Variants in KMT5B observed in about 807,000 individuals in gnomAD.
The protein encoded by KMT5B is histone-lysine N-methyltransferase KMT5B.
Under a neutral mutation model 83.2 loss-of-function variants are expected in KMT5B, and 10 were observed. The ratio of observed to expected loss-of-function variants is 0.12; its 90% CI spans 0.07 to 0.20. The LOEUF (loss-of-function observed/expected upper bound fraction) is 0.20. KMT5B is among the 10% of genes least tolerant of loss of function. KMT5B has a pLI of 1.00. For missense variants in KMT5B, 753 were observed against 1,067.2 expected (o/e 0.71, Z 4.10); for synonymous variants, 349 against 388.8 (o/e 0.90, Z 1.20).
intron 3 of KMT5B, among the ~76,000 whole-genome samples, chr11:68,184,986 A>AGTT (rs2153067239): frequency 6.6e-6 from 1 of 152,344 alleles, no homozygotes; most frequent in Non-Finnish European, 1.5e-5. Flanking sequence ...GAATATAAAC[A>AGTT]TGTCTTTAAA....
rs78151591 is a variant in KMT5B at position 68,206,663 on chromosome 11, T to C, written c.-77+6475A>G. Among the ~76,000 whole-genome samples, 1,042 of 152,318 alleles carry C rather than the reference T, an allele frequency of 6.8e-3. 6 individuals carry two copies. The highest frequency in any genetic ancestry group is 0.011 in the Non-Finnish European group (739 of 68,018). On this transcript the variant is annotated intron_variant, in intron 1 of 10. Coordinates refer to ENST00000304363, the MANE Select transcript of KMT5B (RefSeq NM_017635.5). ...TAGGTTTGGCACAAGATATTTTAAATGAGCACAAACTGCTAACAAATTAAG... is the reference window on the plus strand; with the variant it reads ...TAGGTTTGGCACAAGATATTTTAAACGAGCACAAACTGCTAACAAATTAAG...
chr11:68,209,076 C>G (rs1860541335), intron 1 of KMT5B, among the ~76,000 whole-genome samples: 1 of 152,134 alleles, frequency 6.6e-6, no homozygotes, highest in African/African-American at 2.4e-5. Context: ...CTGCAGCTTC[C>G]TAAAATCAGA....
chr11:68,175,911 G>GT (rs1856319788), intron 4 of KMT5B, among the ~76,000 whole-genome samples: 2 of 144,258 alleles, frequency 1.4e-5, no homozygotes, highest in African/African-American at 2.6e-5. Context: ...ATGGGGTAGA[G>GT]TTGTTTTTTT....
intron 3 of KMT5B, among the ~76,000 whole-genome samples, chr11:68,182,840 G>A (rs571324493): frequency 9.2e-5 from 14 of 151,624 alleles, no homozygotes; most frequent in Non-Finnish European, 1.8e-4. Flanking sequence ...AGGTTCAAGC[G>A]ATTCTCCTGC....
intron 1 of KMT5B, among the ~76,000 whole-genome samples, chr11:68,191,546 C>T (rs1328744789): frequency 6.6e-6 from 1 of 152,052 alleles, no homozygotes; most frequent in Admixed American, 6.6e-5. Context: ...GTTGGCTAGG[C>T]TGGTCTCGAA....
At chr11:68,193,918 G>A (rs1858391476) in intron 1 of KMT5B, among the ~76,000 whole-genome samples, 1 of 151,154 alleles carries the variant, frequency 6.6e-6, no homozygotes, top group Non-Finnish European at 1.5e-5. Flanking sequence ...CTCCACCTCA[G>A]CCTCCCAAAG....
intron 10 of KMT5B, chr11:68,164,818 G>C (rs1855170087): frequency 2.2e-6 from 1 of 446,048 alleles, no homozygotes; most frequent in Admixed American, 2.4e-5. Context: ...TGTGCCTCCA[G>C]TTTGTTCTGC....
intron 2 of KMT5B, among the ~76,000 whole-genome samples, chr11:68,186,956 CA>C (rs1454302125): frequency 6.6e-6 from 1 of 151,810 alleles, no homozygotes; most frequent in African/African-American, 2.4e-5. Context: ...TTGGTAACAG[CA>C]TAATAGCTTT....
chr11:68,199,090 TG>T (rs1009511418), intron 1 of KMT5B, among the ~76,000 whole-genome samples: 2 of 152,148 alleles, frequency 1.3e-5, no homozygotes, highest in Admixed American at 6.5e-5. Flanking sequence ...GTAATTGCGT[TG>T]TTTTTTTTTT....
intron 1 of KMT5B, among the ~76,000 whole-genome samples, chr11:68,196,699 CT>C (rs762041161): frequency 1.5e-4 from 23 of 152,058 alleles, no homozygotes; most frequent in East Asian, 9.7e-4. Flanking sequence ...CCACCACTAA[CT>C]TCCCTACTGC....
At position 68,171,047 on chromosome 11, in the gene KMT5B, A is replaced by G; in HGVS notation, c.945T>C (p.Asn315=). ...CYYGDGFFGE[N]NEFCECYTCE... Reference sequence around the variant, plus strand: ...AAGTGTAACACTCGCAGAACTCATTATTTTCTCCAAAGAACCCATCTCCAT... The same window carrying G: ...AAGTGTAACACTCGCAGAACTCATTGTTTTCTCCAAAGAACCCATCTCCAT... Residue 315 remains asparagine, a synonymous_variant, in exon 9 of 11, where the codon AAT becomes AAC. Transcript: ENST00000304363. This position sits in a 1 kb window ranked among gnomAD's most constrained non-coding sequence, Gnocchi z 5.1. The G allele has an allele frequency of 1.3e-6, 2 of 1,598,932 alleles. No individual in the cohort carries two copies. Among genetic ancestry groups the G allele is most frequent in the Admixed American group, 3.7e-5 (2 of 54,348 alleles).
Position 68,171,328 on chromosome 11 carries a change from T to G in KMT5B, c.821-77A>C, listed in dbSNP as rs758365834. On this transcript the variant is annotated intron_variant, in intron 7 of 10. Transcript: ENST00000304363. This position sits in a 1 kb window ranked among gnomAD's most constrained non-coding sequence, Gnocchi z 5.1. ...CACGAACAATTATAGAAATCTGAAA[T>G]AAGCTTTCCATATAACTTTACAACT... is the stretch of plus-strand genomic sequence containing the variant. 10 of 1,543,408 alleles carry G rather than the reference T, an allele frequency of 6.5e-6. No homozygotes were observed. In the South Asian group the frequency reaches 1.1e-4, roughly 16 times the overall value.
Position 68,158,192 on chromosome 11 carries a change from C to T in KMT5B, c.2154G>A (p.Leu718=), listed in dbSNP as rs1437161999. The part of the protein sequence containing the change: ...ILENNSGIPK[L]TLRRRHDSSS... ...TGCTATCATGACGCCTACGAAGAGT[C>T]AATTTGGGAATCCCAGAGTTATTTT... The change falls in exon 11 of 11, where the codon TTG becomes TTA. Residue 718 remains leucine, a synonymous_variant. Transcript: ENST00000304363. 6.2e-7 allele frequency: 1 copy of T among 1,614,014 alleles called. No homozygotes were observed. Among genetic ancestry groups the T allele is most frequent in the Non-Finnish European group, 8.5e-7 (1 of 1,180,046 alleles).
chr11:68,164,745 T>G (rs774307750), intron 10 of KMT5B: 6 of 485,136 alleles, frequency 1.2e-5, no homozygotes, highest in Non-Finnish European at 2.5e-5. Flanking sequence ...ATGTACACCT[T>G]TCTTCTGTAA....
chr11:68,212,409 C>T (rs1017967761), intron 1 of KMT5B, among the ~76,000 whole-genome samples: 2 of 152,198 alleles, frequency 1.3e-5, no homozygotes, highest in African/African-American at 4.8e-5. Context: ...AAAGTTCCAC[C>T]ACTTAATAAA....
intron 6 of KMT5B, among the ~76,000 whole-genome samples, chr11:68,173,203 G>A (rs1856014803): frequency 6.6e-6 from 1 of 152,054 alleles, no homozygotes; most frequent in South Asian, 2.1e-4. Flanking sequence ...ACCACGCCCA[G>A]CTAATTTTTG....
At position 68,183,381 on chromosome 11, in the gene KMT5B, G is replaced by A. The variant is rs73509368; in HGVS notation, c.308+2400C>T. ...GCAAATTAGTTTTTTGTTTTTAGCCGGAGTCACGCTCTGTTGCCCAGGCTG... is the reference window on the plus strand; with the variant it reads ...GCAAATTAGTTTTTTGTTTTTAGCCAGAGTCACGCTCTGTTGCCCAGGCTG... On this transcript the variant is annotated intron_variant, in intron 3 of 10. Coordinates refer to ENST00000304363, the MANE Select transcript of KMT5B (RefSeq NM_017635.5). Among the ~76,000 whole-genome samples, 939 of 152,094 alleles carry A rather than the reference G, an allele frequency of 6.2e-3. 8 individuals carry two copies. Among genetic ancestry groups the A allele is most frequent in the African/African-American group, 0.021 (851 of 41,498 alleles).
rs2153052202 is a variant in KMT5B at position 68,171,372 on chromosome 11, C to G, written c.821-121G>C. On this transcript the variant is annotated intron_variant, in intron 7 of 10. Transcript: ENST00000304363. The surrounding 1 kb of genome is among the most constrained non-coding windows in gnomAD (Gnocchi z 5.1). Reference sequence around the variant, plus strand: ...TACAACTTTTGATAGGAGTTTAGGTCTCAAGTTCAACTAAAGGAATATACA... The same window carrying G: ...TACAACTTTTGATAGGAGTTTAGGTGTCAAGTTCAACTAAAGGAATATACA... The G allele has an allele frequency of 7.6e-7, 1 of 1,313,310 alleles. No homozygotes were observed. Among genetic ancestry groups the G allele is most frequent in the South Asian group, 1.3e-5 (1 of 76,076 alleles). The allele number at this position is 1,313,310 out of a possible 1,614,324, so 81.4% of individuals were successfully genotyped here.
At chr11:68,172,220 C>T (rs1855901618) in intron 6 of KMT5B, among the ~76,000 whole-genome samples, 1 of 152,070 alleles carries the variant, frequency 6.6e-6, no homozygotes, top group Non-Finnish European at 1.5e-5. Context: ...GGTGAAATTA[C>T]TTTAACAATT....
Sources: allele counts gnomAD v4.1 joint callset (sites outside exome capture counted in the v4.1 genomes callset), GRCh38; gene constraint gnomAD v4.1.1; non-coding constraint Gnocchi (gnomAD v3.1); transcripts MANE v1.5; gene names NCBI Gene and HGNC (gene_info 2026-07-23, HGNC 2026-07-21).